Variants in TNFRSF21 observed in about 807,000 individuals in gnomAD.
The protein encoded by TNFRSF21 is TNF receptor superfamily member 21, also known as tumor necrosis factor receptor superfamily member 21.
In TNFRSF21, 19 loss-of-function variants were observed where a neutral mutation model predicts 45.6. The observed-to-expected ratio is 0.42, with a 90% CI of 0.29 to 0.61. The LOEUF (loss-of-function observed/expected upper bound fraction) is 0.61, where lower values mean the gene tolerates loss of function less well. Among genes scored for constraint, TNFRSF21 ranks in the 20% least tolerant of loss-of-function variants. TNFRSF21 has a pLI of 0.23. For missense variants in TNFRSF21, 737 were observed against 851.5 expected, an observed-to-expected ratio of 0.87 and a Z score of 1.67; for synonymous variants, 314 against 335.5, an observed-to-expected ratio of 0.94 and a Z score of 0.70.
intron 3 of TNFRSF21, 132 bp downstream of exon 3, chr6:47,283,806 G>C (rs1006481655): frequency 1.8e-6 from 2 of 1,127,216 alleles, no homozygotes; most frequent in African/African-American, 3.1e-5. Flanking sequence ...TCTATAACAC[G>C]ACTAGATCAA....
At chr6:47,303,023 T>C (rs555534818) in intron 1 of TNFRSF21, among the ~76,000 whole-genome samples, 26 of 152,216 alleles carry the variant, frequency 1.7e-4, no homozygotes, top group Non-Finnish European at 3.1e-4. Context: ...GATAGCAATA[T>C]CAATGATTAA....
intron 5 of TNFRSF21, 23 bp from the exon 6 acceptor site, chr6:47,233,017 A>AAG: frequency 6.2e-7 from 1 of 1,611,770 alleles, no homozygotes; most frequent in South Asian, 1.1e-5. Context: ...GAGGGAAGCA[A>AAG]AGACAGCTGT....
At chr6:47,247,107 G>A (rs189131385) in intron 4 of TNFRSF21, among the ~76,000 whole-genome samples, 14 of 152,308 alleles carry the variant, frequency 9.2e-5, no homozygotes, top group Admixed American at 8.5e-4. Flanking sequence ...TTTGGACTAT[G>A]ATAATAAATA....
At chr6:47,242,286 T>C (rs1389512133) in intron 4 of TNFRSF21, among the ~76,000 whole-genome samples, 2 of 152,152 alleles carry the variant, frequency 1.3e-5, no homozygotes, top group Non-Finnish European at 2.9e-5. Context: ...AGGTTTTGTT[T>C]CAACTGCAAC....
At chr6:47,278,224 GTCT>G (rs1359040059) in intron 3 of TNFRSF21, among the ~76,000 whole-genome samples, 1 of 152,044 alleles carries the variant, frequency 6.6e-6, no homozygotes, top group Non-Finnish European at 1.5e-5. Flanking sequence ...CCACCTGAAG[GTCT>G]CTATGTTTAA....
chr6:47,272,584 C>G (rs1762438949), intron 3 of TNFRSF21, among the ~76,000 whole-genome samples: 1 of 151,924 alleles, frequency 6.6e-6, no homozygotes, highest in Admixed American at 6.6e-5. Context: ...AAATCAACAC[C>G]CTAACATCAC....
intron 1 of TNFRSF21, among the ~76,000 whole-genome samples, chr6:47,292,933 C>CT (rs1762748166): frequency 6.6e-6 from 1 of 152,152 alleles, no homozygotes; most frequent in Non-Finnish European, 1.5e-5. Context: ...CTGTGATTTG[C>CT]TTTTGTTCAT....
At chr6:47,279,409 C>T (rs1260752844) in intron 3 of TNFRSF21, among the ~76,000 whole-genome samples, 1 of 152,148 alleles carries the variant, frequency 6.6e-6, no homozygotes. Flanking sequence ...TTGTAGCCTC[C>T]ATAGCTCTAA....
chr6:47,306,197 A>T (rs1762937533), intron 1 of TNFRSF21, among the ~76,000 whole-genome samples: 1 of 152,230 alleles, frequency 6.6e-6, no homozygotes, highest in Non-Finnish European at 1.5e-5. Flanking sequence ...TTCTATTATC[A>T]TGCAGACACT....
At chr6:47,235,010 C>T (rs1764646648) in intron 4 of TNFRSF21, 112 bp from the exon 5 acceptor site, 1 of 544,500 alleles carries the variant, frequency 1.8e-6, no homozygotes, top group Non-Finnish European at 2.9e-6. Context: ...TATATACATC[C>T]TCCCACTTCA....
intron 4 of TNFRSF21, among the ~76,000 whole-genome samples, chr6:47,239,116 T>A (rs1041295139): frequency 1.3e-5 from 2 of 151,790 alleles, no homozygotes; most frequent in Non-Finnish European, 2.9e-5. Context: ...CGAAACCCTG[T>A]CTCTACTAAA....
chr6:47,271,791 A>G (rs954509583), intron 3 of TNFRSF21, among the ~76,000 whole-genome samples: 1 of 152,176 alleles, frequency 6.6e-6, no homozygotes, highest in Non-Finnish European at 1.5e-5. Flanking sequence ...ACACACACAC[A>G]TAGGCTCAAA....
At chr6:47,242,692 C>T (rs1485844152) in intron 4 of TNFRSF21, among the ~76,000 whole-genome samples, 6 of 152,192 alleles carry the variant, frequency 3.9e-5, no homozygotes, top group Non-Finnish European at 7.3e-5. Context: ...CTGACATCAA[C>T]GGTAGTGGTG....
chr6:47,294,743 C>T (rs1472088799), intron 1 of TNFRSF21, among the ~76,000 whole-genome samples: 1 of 151,958 alleles, frequency 6.6e-6, no homozygotes, highest in Non-Finnish European at 1.5e-5. Context: ...GTTGCCCAGG[C>T]TGATCTCAAA....
At chr6:47,291,047 T>C (rs1762716628) in intron 1 of TNFRSF21, among the ~76,000 whole-genome samples, 1 of 152,174 alleles carries the variant, frequency 6.6e-6, no homozygotes, top group African/African-American at 2.4e-5. Flanking sequence ...GCTTCCTAGC[T>C]CAGGGAAGTT....
chr6:47,237,325 C>T (rs998601395), intron 4 of TNFRSF21, among the ~76,000 whole-genome samples: 1 of 152,232 alleles, frequency 6.6e-6, no homozygotes, highest in Admixed American at 6.5e-5. Flanking sequence ...TCTTTCCGTG[C>T]TTTACCATAA....
chr6:47,299,397 G>A (rs1404550926), intron 1 of TNFRSF21, among the ~76,000 whole-genome samples: 4 of 152,068 alleles, frequency 2.6e-5, no homozygotes, highest in Non-Finnish European at 5.9e-5. Flanking sequence ...AGGAGGCTGA[G>A]GGAGGAAAAT....
chr6:47,287,114 C>T (rs1261134291), intron 1 of TNFRSF21, among the ~76,000 whole-genome samples: 1 of 151,784 alleles, frequency 6.6e-6, no homozygotes, highest in African/African-American at 2.4e-5. Context: ...TCGAGACCAG[C>T]CTGGCTGACA....
intron 3 of TNFRSF21, among the ~76,000 whole-genome samples, chr6:47,277,210 C>G (rs1762511930): frequency 6.6e-6 from 1 of 152,214 alleles, no homozygotes; most frequent in South Asian, 2.1e-4. Context: ...CCAGGCTGGT[C>G]TTGAACTACT....
Sources: gnomAD v4.1 joint callset for allele counts (sites outside exome capture counted in the v4.1 genomes callset) on GRCh38, gnomAD v4.1.1 for gene constraint, MANE v1.5 for transcripts, NCBI Gene and HGNC (gene_info 2026-07-23, HGNC 2026-07-21) for gene names.